RHOU: variants seen among roughly 807,000 people sequenced by gnomAD.
RHOU encodes ras homolog family member U, also known as rho-related GTP-binding protein RhoU.
A neutral mutation model predicts 12.6 loss-of-function variants in RHOU; 8 were observed. The observed-to-expected ratio is 0.64, with a 90% CI of 0.37 to 1.15. The LOEUF (loss-of-function observed/expected upper bound fraction) is 1.15, where lower values mean the gene tolerates loss of function less well. Among genes scored for constraint, RHOU ranks in the 50% most tolerant of loss-of-function variants. The probability of loss-of-function intolerance (pLI) is 0.01; values close to 1 mark genes in which losing one functional copy is unlikely to be tolerated. For synonymous variants in RHOU, 161 were observed against 147.4 expected (o/e 1.09, Z -0.67); for missense variants, 258 against 347.0 (o/e 0.74, Z 2.04).
At chr1:228,647,305 G>A in the RHOU span, among the ~76,000 whole-genome samples, 1 of 152,228 alleles carries the variant, frequency 6.6e-6, no homozygotes, top group Non-Finnish European at 1.5e-5. Context: ...TGTGCTCTTG[G>A]TGCGGTGCAG....
the RHOU span, among the ~76,000 whole-genome samples, chr1:228,727,440 G>A: frequency 6.6e-6 from 1 of 152,064 alleles, no homozygotes. Flanking sequence ...CTCCTGAGTA[G>A]CTGGGACCAC....
At chr1:228,683,664 T>C in the RHOU span, among the ~76,000 whole-genome samples, 1 of 152,250 alleles carries the variant, frequency 6.6e-6, no homozygotes, top group African/African-American at 2.4e-5. Context: ...AAGGACACTC[T>C]TTAACAAATT....
chr1:228,678,009 G>T, the RHOU span, among the ~76,000 whole-genome samples: 1 of 152,156 alleles, frequency 6.6e-6, no homozygotes, highest in African/African-American at 2.4e-5. Flanking sequence ...CAGACCAAGA[G>T]GTATTTTAGT....
chr1:228,678,029 C>T, the RHOU span, among the ~76,000 whole-genome samples: 7 of 152,144 alleles, frequency 4.6e-5, no homozygotes, highest in African/African-American at 7.2e-5. Flanking sequence ...TTTTCTGACT[C>T]GGGGCATGTG....
chr1:228,725,511 G>A, the RHOU span, among the ~76,000 whole-genome samples: 1 of 152,154 alleles, frequency 6.6e-6, no homozygotes, highest in African/African-American at 2.4e-5. Flanking sequence ...GAGCCCATTA[G>A]AGCAGCAACA....
the RHOU span, among the ~76,000 whole-genome samples, chr1:228,702,334 G>A: frequency 6.6e-6 from 1 of 151,988 alleles, no homozygotes; most frequent in Non-Finnish European, 1.5e-5. Context: ...GTCCCATCTG[G>A]GTCCTAAATT....
chr1:228,700,414 C>T, the RHOU span, among the ~76,000 whole-genome samples: 1 of 152,162 alleles, frequency 6.6e-6, no homozygotes, highest in Admixed American at 6.5e-5. Flanking sequence ...ATTTCTTACC[C>T]AGTCTAAATG....
At chr1:228,705,281 G>A in the RHOU span, among the ~76,000 whole-genome samples, 1 of 151,988 alleles carries the variant, frequency 6.6e-6, no homozygotes, top group East Asian at 1.9e-4. Flanking sequence ...TTATTTATTT[G>A]GAATGTTCCA....
the RHOU span, among the ~76,000 whole-genome samples, chr1:228,659,960 A>AC: frequency 9.3e-6 from 1 of 108,092 alleles, no homozygotes; most frequent in African/African-American, 4.6e-5. Flanking sequence ...CTCTACAAAA[A>AC]AAAAACAAAA....
At chr1:228,668,045 T>G in the RHOU span, among the ~76,000 whole-genome samples, 1 of 152,122 alleles carries the variant, frequency 6.6e-6, no homozygotes, top group Admixed American at 6.6e-5. Flanking sequence ...CCAGAGTGAT[T>G]AGAGGGTTAC....
At chr1:228,731,918 G>A (rs999246832), upstream of RHOU, among the ~76,000 whole-genome samples, 2 of 152,186 alleles carry the variant, frequency 1.3e-5, no homozygotes, top group African/African-American at 4.8e-5. Context: ...CTGTCTTGGT[G>A]AAAAACAAAT....
chr1:228,682,003 A>G, the RHOU span, among the ~76,000 whole-genome samples: 4 of 152,208 alleles, frequency 2.6e-5, no homozygotes, highest in Non-Finnish European at 4.4e-5. Context: ...GGTGTGGGTG[A>G]ATAATCAAGC....
the RHOU span, among the ~76,000 whole-genome samples, chr1:228,676,602 G>A: frequency 6.6e-6 from 1 of 152,242 alleles, no homozygotes; most frequent in Non-Finnish European, 1.5e-5. Flanking sequence ...CAGGCTTTGT[G>A]TGAGCAACAA....
rs1408446289 is a variant in RHOU at position 228,738,555 on chromosome 1, C to T, written c.321+824C>T. 6.6e-6 allele frequency among the ~76,000 whole-genome samples: 1 copy of T among 152,112 alleles called. No individual in the cohort carries two copies. The highest frequency in any genetic ancestry group is 1.5e-5 in the Non-Finnish European group (1 of 68,022). ...ACTTTGTAGGCAGGTGAAAGTGCCC[C>T]CTTCACTTTCTGAGGTGCCATCACA... On this transcript the variant is annotated intron_variant, in intron 2 of 2. Coordinates refer to ENST00000366691, the MANE Select transcript of RHOU (RefSeq NM_021205.6). This position sits in a 1 kb window ranked among gnomAD's most constrained non-coding sequence, Gnocchi z 4.2.
chr1:228,662,761 C>T, the RHOU span, among the ~76,000 whole-genome samples: 3 of 152,100 alleles, frequency 2.0e-5, no homozygotes, highest in African/African-American at 7.2e-5. Flanking sequence ...AGCAAACCAA[C>T]ATGGCACATG....
chr1:228,710,375 C>A, the RHOU span, among the ~76,000 whole-genome samples: 1 of 152,032 alleles, frequency 6.6e-6, no homozygotes, highest in Non-Finnish European at 1.5e-5. Context: ...AATTTTAGAC[C>A]AATATCCTTG....
At chr1:228,707,105 C>T in the RHOU span, among the ~76,000 whole-genome samples, 24 of 70,812 alleles carry the variant, frequency 3.4e-4, no homozygotes, top group East Asian at 2.1e-3. Context: ...TATATACATA[C>T]ATATATATAT....
upstream of RHOU, among the ~76,000 whole-genome samples, chr1:228,734,265 C>T (rs1662548617): frequency 6.6e-6 from 1 of 151,968 alleles, no homozygotes; most frequent in Non-Finnish European, 1.5e-5. Context: ...GTGAAAGTGT[C>T]CTTTGCAAGT....
At chr1:228,703,533 A>AAG in the RHOU span, among the ~76,000 whole-genome samples, 2 of 151,774 alleles carry the variant, frequency 1.3e-5, no homozygotes, top group Non-Finnish European at 2.9e-5. Context: ...CTCTGAAAAA[A>AAG]AAAAAGTGTT....
Sources: gnomAD v4.1 joint callset for allele counts (sites outside exome capture counted in the v4.1 genomes callset) on GRCh38, gnomAD v4.1.1 for gene constraint, Gnocchi (gnomAD v3.1) non-coding constraint, MANE v1.5 for transcripts, NCBI Gene and HGNC (gene_info 2026-07-23, HGNC 2026-07-21) for gene names.